TTC28: variants seen among roughly 807,000 people sequenced by gnomAD.
The protein encoded by TTC28 is tetratricopeptide repeat domain 28.
Under a neutral mutation model 198.0 loss-of-function variants are expected in TTC28, and 61 were observed. That is an observed-to-expected ratio of 0.31 (90% CI 0.25 to 0.38). TTC28 has a LOEUF of 0.38. Among genes scored for constraint, TTC28 ranks in the 10% least tolerant of loss-of-function variants. The probability of loss-of-function intolerance (pLI) is 1.00; values close to 1 mark genes in which losing one functional copy is unlikely to be tolerated. For synonymous variants in TTC28, 1,171 were observed against 1,297.8 expected (o/e 0.90, Z 2.10); for missense variants, 2,678 against 3,164.0 (o/e 0.85, Z 3.69).
At chr22:28,024,131 C>T (rs1162523893) in intron 13 of TTC28, among the ~76,000 whole-genome samples, 1 of 151,434 alleles carries the variant, frequency 6.6e-6, no homozygotes, top group Non-Finnish European at 1.5e-5. Context: ...GACTGAGCCT[C>T]AGGCGAGTGC....
chr22:28,374,461 A>G (rs1012895822), intron 2 of TTC28, among the ~76,000 whole-genome samples: 4 of 152,196 alleles, frequency 2.6e-5, no homozygotes, highest in Non-Finnish European at 5.9e-5. Context: ...AACAGTATGT[A>G]AATGTAGACA....
At chr22:28,337,895 G>A (rs1198837276) in intron 2 of TTC28, among the ~76,000 whole-genome samples, 1 of 152,140 alleles carries the variant, frequency 6.6e-6, no homozygotes, top group African/African-American at 2.4e-5. Context: ...GATGTTAGCT[G>A]GTTATTTTGC....
intron 5 of TTC28, among the ~76,000 whole-genome samples, chr22:28,270,810 G>C (rs1932017184): frequency 6.6e-6 from 1 of 152,038 alleles, no homozygotes; most frequent in Non-Finnish European, 1.5e-5. Context: ...AAGGTAGGAG[G>C]ACTTCTTGGG....
chr22:28,548,164 G>A (rs1410070806), intron 2 of TTC28, among the ~76,000 whole-genome samples: 3 of 152,124 alleles, frequency 2.0e-5, no homozygotes, highest in African/African-American at 7.2e-5. Context: ...AGAGTGAGGG[G>A]AGTACAATTT....
chr22:28,082,938 T>C (rs953826414), intron 12 of TTC28, among the ~76,000 whole-genome samples: 22 of 152,208 alleles, frequency 1.4e-4, no homozygotes, highest in Non-Finnish European at 2.8e-4. Context: ...TATAGATCTG[T>C]TCAGATATTT....
At chr22:28,357,932 T>TA (rs2145951166) in intron 2 of TTC28, among the ~76,000 whole-genome samples, 1 of 152,262 alleles carries the variant, frequency 6.6e-6, no homozygotes, top group African/African-American at 2.4e-5. Context: ...AGATAGATAG[T>TA]AAAAACAGGT....
chr22:28,116,358 AG>A (rs1942630695), intron 6 of TTC28, among the ~76,000 whole-genome samples: 1 of 152,246 alleles, frequency 6.6e-6, no homozygotes, highest in Non-Finnish European at 1.5e-5. Context: ...CCATGAAGTA[AG>A]GGAAGTAATA....
chr22:28,554,002 G>A (rs1205075724), intron 2 of TTC28, among the ~76,000 whole-genome samples: 2 of 152,054 alleles, frequency 1.3e-5, no homozygotes, highest in African/African-American at 4.8e-5. Flanking sequence ...AGTAGACATG[G>A]GAGACTTTTC....
chr22:28,257,391 G>A lies in TTC28; in HGVS notation c.933+38807C>T, dbSNP rs139327120. Reference sequence around the variant, plus strand: ...GATAATGAATGAGTAAAGAAAACATGGCATATATACACAATGGAATATTAT... The same window carrying A: ...GATAATGAATGAGTAAAGAAAACATAGCATATATACACAATGGAATATTAT... On this transcript the variant is annotated intron_variant, in intron 5 of 22. Coordinates refer to ENST00000397906, the MANE Select transcript of TTC28 (RefSeq NM_001145418.2). 1.2e-4 allele frequency among the ~76,000 whole-genome samples: 19 copies of A among 152,078 alleles called. No homozygotes were observed. In the East Asian group the frequency reaches 3.1e-3, roughly 25 times the overall value.
At chr22:28,114,837 T>C (rs953154887) in intron 6 of TTC28, among the ~76,000 whole-genome samples, 2 of 152,212 alleles carry the variant, frequency 1.3e-5, no homozygotes, top group African/African-American at 2.4e-5. Flanking sequence ...CTTCCTGCCT[T>C]GGCCTCCTAA....
In TTC28 at chr22:27,998,567, C is replaced by T. The variant is rs1255566736; in HGVS notation, c.5092G>A (p.Ala1698Thr). The change falls in exon 16 of 23, where the codon GCC becomes ACC. Residue 1698 changes from alanine (A) to threonine (T), a missense_variant. Ala to Thr is a moderately conservative substitution (Grantham distance 58, BLOSUM62 0). Around this residue, in one of 8 missense-constraint regions of TTC28, gnomAD observed 314 missense variants for 442.7 expected, o/e 0.71. Transcript: ENST00000397906. ...EAMKVVQSSKAFSHPSNWAGF... is the reference protein window; with the variant it reads ...EAMKVVQSSKTFSHPSNWAGF... ...GCCCAGTTGGAGGGGTGCGAGAAGG[C>T]CTTGCTGCTCTGCACCACCTTCATG... 3 of 1,550,450 alleles carry T rather than the reference C, an allele frequency of 1.9e-6. No individual in the cohort carries two copies. Among genetic ancestry groups the T allele is most frequent in the Admixed American group, 2.0e-5 (1 of 50,980 alleles).
chr22:28,083,693 T>C (rs1225382658), intron 12 of TTC28, among the ~76,000 whole-genome samples: 2 of 152,134 alleles, frequency 1.3e-5, no homozygotes, highest in African/African-American at 4.8e-5. Flanking sequence ...GCACCGTGCA[T>C]GAGATGAAGC....
intron 2 of TTC28, among the ~76,000 whole-genome samples, chr22:28,611,872 G>A (rs866379585): frequency 1.3e-5 from 2 of 152,018 alleles, no homozygotes; most frequent in African/African-American, 4.8e-5. Context: ...AAGAGATTTT[G>A]TCACCAGCAG....
chr22:28,600,046 T>G (rs376947310), intron 2 of TTC28, among the ~76,000 whole-genome samples: 11 of 152,160 alleles, frequency 7.2e-5, no homozygotes, highest in Non-Finnish European at 1.2e-4. Flanking sequence ...ACAACTGCCA[T>G]AGAACCTTCA....
chr22:28,010,553 G>T (rs1938110893), intron 14 of TTC28, among the ~76,000 whole-genome samples: 1 of 152,192 alleles, frequency 6.6e-6, no homozygotes, highest in Non-Finnish European at 1.5e-5. Context: ...TCTGCCTCAA[G>T]TACAGAGCCG....
At chr22:28,148,561 C>T (rs573923639) in intron 6 of TTC28, among the ~76,000 whole-genome samples, 24 of 144,390 alleles carry the variant, frequency 1.7e-4, no homozygotes. Context: ...TGCAGTGAGC[C>T]AAGATTGCGT....
chr22:28,017,983 C>T (rs886917439), intron 13 of TTC28, among the ~76,000 whole-genome samples: 4 of 152,216 alleles, frequency 2.6e-5, no homozygotes, highest in African/African-American at 9.6e-5. Context: ...CTCTCCAGGC[C>T]GCCAAGCCCA....
chr22:28,392,285 C>T (rs1400293463), intron 2 of TTC28, among the ~76,000 whole-genome samples: 3 of 152,208 alleles, frequency 2.0e-5, no homozygotes, highest in Non-Finnish European at 2.9e-5. Context: ...GAGGTTACTG[C>T]TGTCTTTTTG....
intron 12 of TTC28, among the ~76,000 whole-genome samples, chr22:28,058,531 G>T (rs1324950134): frequency 6.6e-6 from 1 of 151,912 alleles, no homozygotes; most frequent in East Asian, 1.9e-4. Context: ...CTAATGTTTT[G>T]CTAAATATTT....
Sources: gnomAD v4.1 joint callset for allele counts (sites outside exome capture counted in the v4.1 genomes callset) on GRCh38, gnomAD v4.1.1 for gene constraint, gnomAD v4.1.1 regional missense constraint, MANE v1.5 for transcripts, NCBI Gene and HGNC (gene_info 2026-07-23, HGNC 2026-07-21) for gene names.